CDH18: variants seen among roughly 807,000 people sequenced by gnomAD.
The protein encoded by CDH18 is cadherin 18.
In CDH18, 31 loss-of-function variants were observed where a neutral mutation model predicts 67.9. That is an observed-to-expected ratio of 0.46 (90% CI 0.34 to 0.62). The LOEUF (loss-of-function observed/expected upper bound fraction) is 0.62, where lower values mean the gene tolerates loss of function less well. CDH18 is among the 20% of genes least tolerant of loss of function. The pLI, the probability that CDH18 is intolerant of heterozygous loss-of-function variation, is 0.01. For missense variants in CDH18, 890 were observed against 975.5 expected, an observed-to-expected ratio of 0.91 and a Z score of 1.17; for synonymous variants, 362 against 347.2, an observed-to-expected ratio of 1.04 and a Z score of -0.48.
At chr5:20,069,116 T>C (rs1210460079) in intron 2 of CDH18, among the ~76,000 whole-genome samples, 1 of 152,116 alleles carries the variant, frequency 6.6e-6, no homozygotes, top group African/African-American at 2.4e-5. Flanking sequence ...TTCCTGATGC[T>C]AGGGTTCATT....
chr5:20,525,193 G>C (rs1755974346), intron 1 of CDH18, among the ~76,000 whole-genome samples: 1 of 152,140 alleles, frequency 6.6e-6, no homozygotes, highest in Admixed American at 6.6e-5. Flanking sequence ...CAGAAGCCCT[G>C]AGATTCTTGC....
At chr5:19,497,580 G>T (rs1317782774) in intron 11 of CDH18, among the ~76,000 whole-genome samples, 2 of 152,216 alleles carry the variant, frequency 1.3e-5, no homozygotes, top group Non-Finnish European at 2.9e-5. Flanking sequence ...CCATGGGAAT[G>T]GGAAAGATCC....
chr5:19,646,015 A>G (rs144562356), intron 5 of CDH18, among the ~76,000 whole-genome samples: 54 of 152,310 alleles, frequency 3.5e-4, no homozygotes, highest in African/African-American at 1.3e-3. Context: ...AAAACGACAA[A>G]TGATGACATG....
chr5:19,948,779 G>A (rs916770725), intron 2 of CDH18, among the ~76,000 whole-genome samples: 1 of 152,136 alleles, frequency 6.6e-6, no homozygotes, highest in African/African-American at 2.4e-5. Flanking sequence ...AGAATGGAGA[G>A]TATATGGGAT....
chr5:19,588,269 T>A (rs1326521645), intron 7 of CDH18, among the ~76,000 whole-genome samples: 4 of 152,092 alleles, frequency 2.6e-5, no homozygotes, highest in Non-Finnish European at 5.9e-5. Context: ...CTGAATACCC[T>A]TTATTTTTTT....
intron 2 of CDH18, among the ~76,000 whole-genome samples, chr5:20,231,466 T>G (rs1211307800): frequency 6.6e-6 from 1 of 151,686 alleles, no homozygotes; most frequent in Non-Finnish European, 1.5e-5. Flanking sequence ...CAGGGTGGGG[T>G]GGCGCTCCTG....
chr5:20,079,729 A>C (rs539542575), intron 2 of CDH18, among the ~76,000 whole-genome samples: 3 of 152,172 alleles, frequency 2.0e-5, no homozygotes, highest in African/African-American at 7.2e-5. Flanking sequence ...TATCTCAGTC[A>C]GTTTGGACTG....
intron 1 of CDH18, among the ~76,000 whole-genome samples, chr5:20,532,696 A>G (rs1026501564): frequency 2.0e-5 from 3 of 152,062 alleles, no homozygotes; most frequent in African/African-American, 4.8e-5. Flanking sequence ...CTGCCAATAC[A>G]TATTTCTGAC....
intron 1 of CDH18, among the ~76,000 whole-genome samples, chr5:20,416,755 T>G (rs185021346): frequency 6.6e-6 from 1 of 152,108 alleles, no homozygotes; most frequent in Admixed American, 6.5e-5. Context: ...TACACTCACT[T>G]AATTCTTGAT....
At chr5:19,495,351 A>G (rs1488197684) in intron 11 of CDH18, among the ~76,000 whole-genome samples, 1 of 152,132 alleles carries the variant, frequency 6.6e-6, no homozygotes, top group Non-Finnish European at 1.5e-5. Context: ...TCTCAAACAA[A>G]TGGTTCTTCA....
chr5:19,774,426 T>TAAAATAAAA (rs146014082), intron 3 of CDH18, among the ~76,000 whole-genome samples: 6 of 139,450 alleles, frequency 4.3e-5, no homozygotes, highest in African/African-American at 1.6e-4. Context: ...TAAAATAAAA[T>TAAAATAAAA]TAAAATAAAA....
At chr5:20,087,231 G>T (rs559937987) in intron 2 of CDH18, among the ~76,000 whole-genome samples, 1 of 152,048 alleles carries the variant, frequency 6.6e-6, no homozygotes, top group Non-Finnish European at 1.5e-5. Flanking sequence ...TCATGACAAA[G>T]GTTGAATGGG....
chr5:19,699,337 T>C (rs1453883261), intron 5 of CDH18, among the ~76,000 whole-genome samples: 1 of 152,186 alleles, frequency 6.6e-6, no homozygotes, highest in Non-Finnish European at 1.5e-5. Flanking sequence ...TCAAAAAATA[T>C]GTAGTCAGGA....
chr5:19,534,218 G>T (rs995492), intron 9 of CDH18, among the ~76,000 whole-genome samples: 3,685 of 151,874 alleles, frequency 0.024, 160 homozygotes, highest in African/African-American at 0.084. Context: ...CTTTCATTTT[G>T]TTACAATAAT....
chr5:20,030,503 G>A (rs1316334459), intron 2 of CDH18, among the ~76,000 whole-genome samples: 1 of 152,076 alleles, frequency 6.6e-6, no homozygotes, highest in Non-Finnish European at 1.5e-5. Context: ...GACAACTAGA[G>A]TTTTCTGTAT....
intron 2 of CDH18, among the ~76,000 whole-genome samples, chr5:20,201,442 A>C (rs1359322254): frequency 6.6e-6 from 1 of 152,170 alleles, no homozygotes; most frequent in Non-Finnish European, 1.5e-5. Flanking sequence ...CAGTGAAGGC[A>C]AAATAGGATT....
At chr5:19,549,999 A>G (rs1737122688) in intron 8 of CDH18, among the ~76,000 whole-genome samples, 1 of 152,122 alleles carries the variant, frequency 6.6e-6, no homozygotes, top group Admixed American at 6.6e-5. Context: ...TCCAGAGAGT[A>G]TGGAATTTGA....
intron 3 of CDH18, among the ~76,000 whole-genome samples, chr5:19,762,603 T>C (rs1374076759): frequency 6.6e-6 from 1 of 151,812 alleles, no homozygotes; most frequent in Non-Finnish European, 1.5e-5. Flanking sequence ...AAATAACAGG[T>C]GTTGGAGAGG....
intron 5 of CDH18, among the ~76,000 whole-genome samples, chr5:19,635,971 G>C (rs552385630): frequency 1.3e-5 from 2 of 152,202 alleles, no homozygotes; most frequent in Admixed American, 1.3e-4. Flanking sequence ...GTTGTTGAAA[G>C]TAAAGAAAAA....
Sources: allele counts gnomAD v4.1 joint callset (sites outside exome capture counted in the v4.1 genomes callset), GRCh38; gene constraint gnomAD v4.1.1; transcripts MANE v1.5; gene names NCBI Gene and HGNC (gene_info 2026-07-23, HGNC 2026-07-21).